Variants in RNF121 observed in about 807,000 individuals in gnomAD.
RNF121 encodes the protein E3 ubiquitin ligase RNF121.
In RNF121, 21 loss-of-function variants were observed where a neutral mutation model predicts 46.5. The observed-to-expected ratio is 0.45, with a 90% CI of 0.32 to 0.65. RNF121 has a LOEUF of 0.65. Among genes scored for constraint, RNF121 ranks in the 30% least tolerant of loss-of-function variants. RNF121 has a pLI of 0.04. For missense variants in RNF121, 346 were observed against 416.0 expected (o/e 0.83, Z 1.46); for synonymous variants, 139 against 144.7 (o/e 0.96, Z 0.28).
intron 3 of RNF121, among the ~76,000 whole-genome samples, chr11:71,975,415 C>G (rs1954508062): frequency 1.3e-5 from 2 of 152,164 alleles, no homozygotes; most frequent in African/African-American, 4.8e-5. Context: ...CCTGGAACAC[C>G]CATCATGATG....
intron 6 of RNF121, 116 bp from the exon 7 acceptor site, chr11:71,994,603 G>A: frequency 8.5e-7 from 1 of 1,182,498 alleles, no homozygotes; most frequent in Admixed American, 2.1e-5. Flanking sequence ...TCTAACTCTG[G>A]GCCTCCCGCT....
In RNF121 at chr11:71,965,306, A is replaced by G. The variant is rs546400144; in HGVS notation, c.243+4415A>G. Among the ~76,000 whole-genome samples the G allele has an allele frequency of 5.4e-5, 8 of 148,712 alleles. No individual in the cohort carries two copies. The South Asian group carries it at 1.3e-3, about 24-fold the overall frequency. On this transcript the variant is annotated intron_variant, in intron 3 of 8. Coordinates refer to ENST00000361756, the MANE Select transcript of RNF121 (RefSeq NM_018320.5). Reference sequence around the variant, plus strand: ...GTCTCTGTTGCCCAGGTTGGAGTGCAGTGGTGTGATCTTGGCTCACTGCAA... The same window carrying G: ...GTCTCTGTTGCCCAGGTTGGAGTGCGGTGGTGTGATCTTGGCTCACTGCAA...
chr11:71,952,919 C>G (rs1953917619), intron 1 of RNF121, among the ~76,000 whole-genome samples: 1 of 152,198 alleles, frequency 6.6e-6, no homozygotes, highest in African/African-American at 2.4e-5. Context: ...AAAATTCACT[C>G]TCAGCAATTT....
chr11:71,994,328 ATTG>A (rs1369962993), intron 6 of RNF121, among the ~76,000 whole-genome samples: 1 of 152,106 alleles, frequency 6.6e-6, no homozygotes, highest in Non-Finnish European at 1.5e-5. Context: ...GTTGGAGAAT[ATTG>A]TTGTCCATTT....
intron 1 of RNF121, among the ~76,000 whole-genome samples, chr11:71,942,375 A>G (rs1192939885): frequency 6.6e-6 from 1 of 152,206 alleles, no homozygotes; most frequent in Non-Finnish European, 1.5e-5. Context: ...GTAATAGTCC[A>G]TATGGGAGAT....
chr11:71,935,022 A>G (rs1325967490), intron 1 of RNF121, among the ~76,000 whole-genome samples: 1 of 148,168 alleles, frequency 6.7e-6, no homozygotes, highest in Non-Finnish European at 1.5e-5. Flanking sequence ...GCTCACTGCA[A>G]CCTCAGCCTC....
Position 71,982,876 on chromosome 11 carries a change from T to C in RNF121, c.359T>C (p.Phe120Ser). Residue 120 changes from phenylalanine (F) to serine (S), a missense_variant, in exon 4 of 9, where the codon TTC (phenylalanine) becomes TCC (serine). Physicochemically the swap from Phe to Ser is radical, Grantham distance 155. Transcript: ENST00000361756. Reference sequence around the variant, plus strand: ...TCTGCTGTCACAGCCTTTGTTACCTTCCGAGCCACCCGAAAACCTCTAGTA... The same window carrying C: ...TCTGCTGTCACAGCCTTTGTTACCTCCCGAGCCACCCGAAAACCTCTAGTA... ...LFSAVTAFVT[F>S]RATRKPLVQT... The C allele has an allele frequency of 6.2e-7, 1 of 1,613,518 alleles. No individual in the cohort carries two copies. The highest frequency in any genetic ancestry group is 8.5e-7 in the Non-Finnish European group (1 of 1,179,754).
intron 3 of RNF121, among the ~76,000 whole-genome samples, chr11:71,976,087 T>C (rs1954520574): frequency 6.6e-6 from 1 of 152,196 alleles, no homozygotes. Context: ...ACTCTTCAGA[T>C]ATCATTTATC....
In RNF121 at chr11:71,954,944, T is replaced by C. The variant is rs566748180; in HGVS notation, c.64-2283T>C. Among the ~76,000 whole-genome samples, 7 of 152,350 alleles carry C rather than the reference T, an allele frequency of 4.6e-5. No homozygotes were observed. In the East Asian group the frequency reaches 1.2e-3, roughly 25 times the overall value. ...AGAGAATTTTCTTCAATTCCACAAGTACTCATTGAGTGCTTAATATATGCT... is the reference window on the plus strand; with the variant it reads ...AGAGAATTTTCTTCAATTCCACAAGCACTCATTGAGTGCTTAATATATGCT... On this transcript the variant is annotated intron_variant, in intron 1 of 8. Coordinates refer to ENST00000361756, the MANE Select transcript of RNF121 (RefSeq NM_018320.5).
rs1233529319 is a variant in RNF121 at position 71,960,756 on chromosome 11, G to A, written c.108G>A (p.Glu36=). ...DLSPEEQWRV[E]HARMHAKHRG... is the part of the protein sequence containing the mutation. ...CCATGTGTTTGGCTTTCAGGGTCGA[G>A]CACGCACGCATGCATGCCAAGCACC... is the stretch of plus-strand genomic sequence containing the variant. The change falls in exon 3 of 9, where the codon GAG becomes GAA. Residue 36 remains glutamate (E), a synonymous_variant. Transcript: ENST00000361756. The A allele has an allele frequency of 9.9e-6, 16 of 1,613,484 alleles. No individual in the cohort carries two copies. In the East Asian group the frequency reaches 3.3e-4, roughly 34 times the overall value.
intron 1 of RNF121, among the ~76,000 whole-genome samples, chr11:71,945,233 C>T (rs936714488): frequency 1.3e-5 from 2 of 152,226 alleles, no homozygotes; most frequent in African/African-American, 4.8e-5. Context: ...AAGTGATCCT[C>T]CTGCCTCGGG....
chr11:71,977,958 T>C, intron 3 of RNF121: 1 of 269,466 alleles, frequency 3.7e-6, no homozygotes, highest in Non-Finnish European at 7.4e-6. Context: ...GGCCCTGCAA[T>C]TGTTCTGCAT....
intron 1 of RNF121, among the ~76,000 whole-genome samples, chr11:71,941,487 A>C (rs959691732): frequency 6.6e-6 from 1 of 152,250 alleles, no homozygotes. Flanking sequence ...GAACAAGACA[A>C]CTGAGGTCCT....
chr11:71,993,699 G>A (rs1366139343), intron 6 of RNF121, among the ~76,000 whole-genome samples: 1 of 151,664 alleles, frequency 6.6e-6, no homozygotes, highest in African/African-American at 2.4e-5. Flanking sequence ...ATATCTTTTG[G>A]GTTTATACCG....
chr11:71,962,700 A>G (rs1175260387), intron 3 of RNF121, among the ~76,000 whole-genome samples: 7 of 152,192 alleles, frequency 4.6e-5, no homozygotes, highest in African/African-American at 1.7e-4. Context: ...AGAAAATAAG[A>G]AAAGAAATCT....
chr11:71,935,218 C>T (rs1953378830), intron 1 of RNF121, among the ~76,000 whole-genome samples: 1 of 152,194 alleles, frequency 6.6e-6, no homozygotes, highest in Admixed American at 6.5e-5. Context: ...CAGGCATGAG[C>T]CACTGCGCCC....
chr11:71,995,650 C>T, intron 8 of RNF121, 99 bp downstream of exon 8: 2 of 879,722 alleles, frequency 2.3e-6, no homozygotes, highest in Non-Finnish European at 3.7e-6. Context: ...TCACTTCTGC[C>T]CCCAACCAGA....
intron 2 of RNF121, among the ~76,000 whole-genome samples, chr11:71,958,922 T>C (rs1470460996): frequency 6.6e-6 from 1 of 152,232 alleles, no homozygotes; most frequent in African/African-American, 2.4e-5. Flanking sequence ...TTCACTGATA[T>C]GTTGTCTGAG....
chr11:71,951,660 T>G (rs1156700606), intron 1 of RNF121, among the ~76,000 whole-genome samples: 7 of 145,014 alleles, frequency 4.8e-5, no homozygotes, highest in Admixed American at 4.8e-4. Context: ...AAAAAAACCA[T>G]GGACAAAGGC....
Sources: allele counts gnomAD v4.1 joint callset (sites outside exome capture counted in the v4.1 genomes callset), GRCh38; gene constraint gnomAD v4.1.1; transcripts MANE v1.5; gene names NCBI Gene and HGNC (gene_info 2026-07-23, HGNC 2026-07-21).